LHFPL4: variants seen among roughly 807,000 people sequenced by gnomAD.
LHFPL4 encodes LHFPL tetraspan subfamily member 4 protein.
In LHFPL4, 6 loss-of-function variants were observed where a neutral mutation model predicts 20.0. That is an observed-to-expected ratio of 0.30 (90% CI 0.16 to 0.59). The LOEUF is 0.59. Among genes scored for constraint, LHFPL4 ranks in the 20% least tolerant of loss-of-function variants. The pLI is 0.88. For missense variants in LHFPL4, 215 were observed against 331.2 expected (o/e 0.65, Z 2.72); for synonymous variants, 129 against 143.8 (o/e 0.90, Z 0.74).
intron 2 of LHFPL4, among the ~76,000 whole-genome samples, chr3:9,550,302 C>A (rs1211179947): frequency 5.9e-5 from 9 of 152,156 alleles, no homozygotes; most frequent in Admixed American, 5.9e-4. Context: ...GCCAACTGCC[C>A]CCTCAGCCCA....
intron 3 of LHFPL4, among the ~76,000 whole-genome samples, chr3:9,505,162 G>A (rs1038209630): frequency 2.6e-5 from 4 of 152,210 alleles, no homozygotes; most frequent in East Asian, 1.9e-4. Context: ...GTTTGTACCC[G>A]AGGTGGGTTT....
chr3:9,502,695 C>T (rs1406253307), intron 3 of LHFPL4, among the ~76,000 whole-genome samples: 4 of 149,204 alleles, frequency 2.7e-5, no homozygotes, highest in Admixed American at 1.3e-4. Flanking sequence ...AAGTGTGAAA[C>T]TCCATCTCAA....
intron 2 of LHFPL4, among the ~76,000 whole-genome samples, chr3:9,512,317 A>G (rs1559515775): frequency 6.6e-6 from 1 of 152,146 alleles, no homozygotes; most frequent in Non-Finnish European, 1.5e-5. Flanking sequence ...TGCCCAACCC[A>G]TTTCGTAGAG....
chr3:9,526,590 G>C (rs914040647), intron 2 of LHFPL4, among the ~76,000 whole-genome samples: 3 of 152,158 alleles, frequency 2.0e-5, no homozygotes, highest in African/African-American at 7.2e-5. Context: ...CCCTCAAAAA[G>C]ATATGTTCAA....
chr3:9,529,642 TA>T (rs1187238190), intron 2 of LHFPL4, among the ~76,000 whole-genome samples: 1 of 151,978 alleles, frequency 6.6e-6, no homozygotes, highest in African/African-American at 2.4e-5. Context: ...TTTATTTATT[TA>T]TTTTTTTTTG....
At chr3:9,525,709 C>T (rs2125661330) in intron 2 of LHFPL4, among the ~76,000 whole-genome samples, 1 of 151,886 alleles carries the variant, frequency 6.6e-6, no homozygotes, top group East Asian at 1.9e-4. Context: ...TTTGACACAA[C>T]GTCATCTGAA....
intron 2 of LHFPL4, among the ~76,000 whole-genome samples, chr3:9,524,465 T>C (rs2046361082): frequency 6.6e-6 from 1 of 152,206 alleles, no homozygotes; most frequent in Non-Finnish European, 1.5e-5. Context: ...CTTTACTTTT[T>C]GTTTTTAGAG....
At chr3:9,538,166 T>C (rs1240330904) in intron 2 of LHFPL4, among the ~76,000 whole-genome samples, 1 of 152,130 alleles carries the variant, frequency 6.6e-6, no homozygotes, top group Non-Finnish European at 1.5e-5. Context: ...TTGGCATCTC[T>C]CACCTGGATC....
rs748529781 is a variant in LHFPL4, at chr3:9,502,186, A to G, written c.*25T>C. The G allele has an allele frequency of 1.8e-5, 28 of 1,563,158 alleles. No homozygotes were observed. The highest frequency in any genetic ancestry group is 2.7e-5 in the African/African-American group (2 of 74,022). On this transcript the variant is annotated 3_prime_UTR_variant, in exon 4 of 4. Coordinates refer to ENST00000287585, the MANE Select transcript of LHFPL4 (RefSeq NM_198560.3). Reference sequence around the variant, plus strand: ...GGCAGGACAAGCTGAGGTCAGGCCAATTACTGGGCTGTGATCCTGGCCTTT... The same window carrying G: ...GGCAGGACAAGCTGAGGTCAGGCCAGTTACTGGGCTGTGATCCTGGCCTTT...
intron 3 of LHFPL4, among the ~76,000 whole-genome samples, chr3:9,504,514 T>C (rs192166830): frequency 3.2e-4 from 48 of 150,464 alleles, no homozygotes; most frequent in Non-Finnish European, 6.9e-4. Context: ...ATTTATTATT[T>C]CTTTGCTTTT....
chr3:9,549,614 T>C (rs1314438611), intron 2 of LHFPL4, among the ~76,000 whole-genome samples: 1 of 152,144 alleles, frequency 6.6e-6, no homozygotes, highest in Non-Finnish European at 1.5e-5. Context: ...GGAGAATCAC[T>C]TGAACCCAGA....
chr3:9,541,407 A>G (rs1301263504), intron 2 of LHFPL4, among the ~76,000 whole-genome samples: 2 of 152,228 alleles, frequency 1.3e-5, no homozygotes, highest in Non-Finnish European at 2.9e-5. Flanking sequence ...TGGTGCTGGG[A>G]AACTGAATAG....
intron 3 of LHFPL4, among the ~76,000 whole-genome samples, chr3:9,505,061 A>T (rs1398216575): frequency 1.3e-5 from 2 of 151,794 alleles, no homozygotes; most frequent in Admixed American, 1.3e-4. Context: ...ACGTGTATTT[A>T]TCCGGCCTCC....
intron 2 of LHFPL4, among the ~76,000 whole-genome samples, chr3:9,546,114 G>C (rs2046510548): frequency 6.6e-6 from 1 of 151,828 alleles, no homozygotes; most frequent in South Asian, 2.1e-4. Context: ...AGCAGTTCGA[G>C]ACCAGCCTGG....
rs368586134 is a variant in LHFPL4 at position 9,552,280 on chromosome 3, A to G, written c.400T>C (p.Leu134=). 4 of 1,597,900 alleles carry G rather than the reference A, an allele frequency of 2.5e-6. No individual in the cohort carries two copies. The African/African-American group carries it at 5.4e-5, about 21-fold the overall frequency. Residue 134 remains leucine, a synonymous_variant, in exon 2 of 4, where the codon TTG becomes CTG. Coordinates refer to ENST00000287585, the MANE Select transcript of LHFPL4 (RefSeq NM_198560.3). ...VYKICAWMQL[L]AALCLVLGCM... is the part of the protein sequence containing the mutation. ...CGTCCACCCCCTCCCCTACCTGCCA[A>G]GAGCTGCATCCAGGCGCAGATCTTG...
intron 2 of LHFPL4, among the ~76,000 whole-genome samples, chr3:9,543,708 ATTTG>A (rs1017382351): frequency 1.6e-5 from 2 of 128,500 alleles, no homozygotes; most frequent in African/African-American, 5.9e-5. Context: ...TTTTGGGGTG[ATTTG>A]TTTGTTTTTG....
At chr3:9,522,151 C>CTTATTA (rs147798071) in intron 2 of LHFPL4, among the ~76,000 whole-genome samples, 2 of 151,484 alleles carry the variant, frequency 1.3e-5, no homozygotes, top group East Asian at 3.9e-4. Context: ...GTACAAGTAC[C>CTTATTA]TTATTATTAT....
chr3:9,539,818 A>AT (rs1042543697), intron 2 of LHFPL4, among the ~76,000 whole-genome samples: 2 of 151,994 alleles, frequency 1.3e-5, no homozygotes, highest in African/African-American at 2.4e-5. Flanking sequence ...ACAGTTTAAA[A>AT]ATATATATAT....
intron 2 of LHFPL4, among the ~76,000 whole-genome samples, chr3:9,546,990 CGTTTT>C (rs2046519151): frequency 6.6e-6 from 1 of 152,004 alleles, no homozygotes; most frequent in Admixed American, 6.6e-5. Flanking sequence ...ATTCTTGGTT[CGTTTT>C]GTTTTATTTT....
Sources: allele counts gnomAD v4.1 joint callset (sites outside exome capture counted in the v4.1 genomes callset), GRCh38; gene constraint gnomAD v4.1.1; transcripts MANE v1.5; gene names NCBI Gene and HGNC (gene_info 2026-07-23, HGNC 2026-07-21).